COL4A3: variants seen among roughly 807,000 people sequenced by gnomAD.
The protein encoded by COL4A3 is collagen type IV alpha 3 chain, also known as collagen alpha-3(IV) chain.
In COL4A3, 135 loss-of-function variants were observed where a neutral mutation model predicts 217.4. That is an observed-to-expected ratio of 0.62 (90% CI 0.54 to 0.72). COL4A3 has a LOEUF of 0.72. Ranked by LOEUF, COL4A3 falls within the 30% of genes least tolerant of loss-of-function variation. The pLI, the probability that COL4A3 is intolerant of heterozygous loss-of-function variation, is 0.00. For missense variants in COL4A3, 1,868 were observed against 2,119.9 expected, an observed-to-expected ratio of 0.88 and a Z score of 2.33; for synonymous variants, 690 against 736.3, an observed-to-expected ratio of 0.94 and a Z score of 1.02.
chr2:227,249,230 A>ATATATATAT lies in COL4A3; in HGVS notation c.546+711_546+712insATATATATT. ...TTAGCTAGTATATATATATATATAT[A>ATATATATAT]TTTTTTTTTTTTTTTTTTTTTTTGA... On this transcript the variant is annotated intron_variant, in intron 9 of 51. Coordinates refer to ENST00000396578, the MANE Select transcript of COL4A3 (RefSeq NM_000091.5). Among the ~76,000 whole-genome samples the ATATATATAT allele has an allele frequency of 3.6e-3, 53 of 14,698 alleles. 6 individuals carry two copies. The highest frequency in any genetic ancestry group is 0.013 in the East Asian group (5 of 378). 9.6% of individuals were successfully genotyped at this position (14,698 alleles called of 152,430 possible).
chr2:227,220,802 A>G (rs1187591245), intron 1 of COL4A3, among the ~76,000 whole-genome samples: 5 of 152,192 alleles, frequency 3.3e-5, no homozygotes, highest in African/African-American at 1.2e-4. Flanking sequence ...TTGAAGATTT[A>G]GAGATAACAC....
rs2106226162 is a variant in COL4A3, at chr2:227,293,184, A to G, written c.3211-7A>G. ...GAGAATTTTAAAGGTATTTGACTACATTTAAGGGGGATCCAGGACTGCCGG... is the reference window on the plus strand; with the variant it reads ...GAGAATTTTAAAGGTATTTGACTACGTTTAAGGGGGATCCAGGACTGCCGG... On this transcript the variant is annotated splice_polypyrimidine_tract_variant and splice_region_variant and intron_variant, in intron 37 of 51. Coordinates refer to ENST00000396578, the MANE Select transcript of COL4A3 (RefSeq NM_000091.5). The G allele has an allele frequency of 1.9e-6, 3 of 1,613,920 alleles. No homozygotes were observed. The highest frequency in any genetic ancestry group is 2.5e-6 in the Non-Finnish European group (3 of 1,180,020).
chr2:227,280,866 G>C, intron 30 of COL4A3, 27 bp from the exon 31 acceptor site: 2 of 1,458,240 alleles, frequency 1.4e-6, no homozygotes, highest in Non-Finnish European at 1.9e-6. Context: ...CTAGCACCTG[G>C]GTATATACTT....
At chr2:227,245,136 A>G (rs2069253011) in intron 5 of COL4A3, 141 bp downstream of exon 5, 3 of 780,788 alleles carry the variant, frequency 3.8e-6, no homozygotes, top group Non-Finnish European at 6.6e-6. Context: ...GGTATATTAT[A>G]CTAGTGTGTG....
intron 5 of COL4A3, 187 bp from the exon 6 acceptor site, chr2:227,245,767 A>T: frequency 1.5e-6 from 1 of 662,620 alleles, no homozygotes; most frequent in Non-Finnish European, 2.8e-6. Flanking sequence ...ATAAGTCTTC[A>T]TATCAGTCAG....
At chr2:227,276,651 C>T (rs1434881308) in intron 27 of COL4A3, among the ~76,000 whole-genome samples, 174 bp downstream of exon 27, 1 of 152,254 alleles carries the variant, frequency 6.6e-6, no homozygotes, top group Non-Finnish European at 1.5e-5. Context: ...TGCTATAGTT[C>T]TCTGAGGTTA....
In COL4A3 at chr2:227,253,572, G is replaced by T. The variant is rs372481879; in HGVS notation, c.699G>T (p.Gly233=). The T allele has an allele frequency of 5.6e-6, 9 of 1,613,824 alleles. No homozygotes were observed. The highest frequency in any genetic ancestry group is 7.6e-6 in the Non-Finnish European group (9 of 1,179,870). ...GTTTTTGTCTTTAGGGTGTGAAAGG[G>T]TTAACAGGACCCCCGGGACCACCAG... is the stretch of plus-strand genomic sequence containing the variant. ...IGHKGERGVK[G]LTGPPGPPGT... Residue 233 remains glycine, a synonymous_variant, in exon 13 of 52, where the codon GGG becomes GGT. Coordinates refer to ENST00000396578, the MANE Select transcript of COL4A3 (RefSeq NM_000091.5). This position sits in a 1 kb window ranked among gnomAD's most constrained non-coding sequence, Gnocchi z 4.4.
chr2:227,187,796 T>C (rs1225308867), intron 1 of COL4A3, among the ~76,000 whole-genome samples: 1 of 152,164 alleles, frequency 6.6e-6, no homozygotes, highest in African/African-American at 2.4e-5. Context: ...TCATGTCTTC[T>C]CCTTCCAGAG....
intron 6 of COL4A3, among the ~76,000 whole-genome samples, chr2:227,246,466 T>C (rs1319003868): frequency 6.6e-6 from 1 of 152,238 alleles, no homozygotes; most frequent in Non-Finnish European, 1.5e-5. Context: ...AATTAGACTT[T>C]GCCATTTATG....
At chr2:227,166,277 G>C (rs1332764498) in intron 1 of COL4A3, among the ~76,000 whole-genome samples, 1 of 152,150 alleles carries the variant, frequency 6.6e-6, no homozygotes, top group Non-Finnish European at 1.5e-5. Context: ...TCCCAGACCA[G>C]GTATTTAAAT....
At chr2:227,186,665 A>G (rs1432121258) in intron 1 of COL4A3, among the ~76,000 whole-genome samples, 2 of 152,208 alleles carry the variant, frequency 1.3e-5, no homozygotes, top group Admixed American at 1.3e-4. Flanking sequence ...TTGGGATGCC[A>G]TGAGGGAGAG....
rs1429805281 is a variant in COL4A3 at position 227,284,316 on chromosome 2, T to A, written c.2852T>A (p.Ile951Lys). 2.5e-6 allele frequency: 4 copies of A among 1,613,922 alleles called. No individual in the cohort carries two copies. The change falls in exon 34 of 52, where the codon ATA becomes AAA. Residue 951 changes from isoleucine (I) to lysine (K), a missense_variant. Ile to Lys is a moderately radical substitution (Grantham distance 102, BLOSUM62 -3). Around this residue, in one of 2 missense-constraint regions of COL4A3, gnomAD observed 1,503 missense variants for 1,786.1 expected, o/e 0.84. Transcript: ENST00000396578. ...NPGPSEISHV[I>K]GDKGEPGLKG... Reference sequence around the variant, plus strand: ...GGGCCTTCAGAGATATCCCACGTAATAGGGGACAAAGGAGAACCAGGTCTC... The same window carrying A: ...GGGCCTTCAGAGATATCCCACGTAAAAGGGGACAAAGGAGAACCAGGTCTC...
Position 227,253,668 on chromosome 2 carries a change from T to C in COL4A3, c.765+30T>C, listed in dbSNP as rs1553752884. ...CTCTGCGATTTTATGATTAGTGTTG[T>C]GCCTTCCCGTGTCTAGGATGAAGTC... On this transcript the variant is annotated intron_variant, in intron 13 of 51. Coordinates refer to ENST00000396578, the MANE Select transcript of COL4A3 (RefSeq NM_000091.5). The surrounding 1 kb of genome is among the most constrained non-coding windows in gnomAD (Gnocchi z 4.4). 6.4e-7 allele frequency: 1 copy of C among 1,569,102 alleles called. No individual in the cohort carries two copies. The highest frequency in any genetic ancestry group is 8.8e-7 in the Non-Finnish European group (1 of 1,138,940).
chr2:227,226,509 G>T (rs1168370450), intron 1 of COL4A3, among the ~76,000 whole-genome samples: 1 of 146,326 alleles, frequency 6.8e-6, no homozygotes, highest in Non-Finnish European at 1.5e-5. Flanking sequence ...TTGCTCTGTT[G>T]CCCAGGCTGG....
At chr2:227,265,480 A>G (rs1194178289) in intron 21 of COL4A3, 1 of 152,258 alleles carries the variant, frequency 6.6e-6, no homozygotes, top group Non-Finnish European at 1.5e-5. Flanking sequence ...ATTACTGAAC[A>G]CAATTAACCA....
At chr2:227,225,903 G>A (rs1042502237) in intron 1 of COL4A3, among the ~76,000 whole-genome samples, 5 of 151,908 alleles carry the variant, frequency 3.3e-5, no homozygotes, top group African/African-American at 1.2e-4. Context: ...GTAGAGACAG[G>A]GTTTCACCCT....
intron 48 of COL4A3, 92 bp downstream of exon 48, chr2:227,308,011 T>C: frequency 9.0e-7 from 1 of 1,109,226 alleles, no homozygotes; most frequent in Non-Finnish European, 1.4e-6. Flanking sequence ...AAGTTAAGTG[T>C]AAATAACCTT....
chr2:227,270,726 A>G, intron 24 of COL4A3, 44 bp from the exon 25 acceptor site: 1 of 1,592,012 alleles, frequency 6.3e-7, no homozygotes, highest in African/African-American at 1.3e-5. Flanking sequence ...CAGAAGAAGA[A>G]TTCTAACAAA....
chr2:227,176,996 A>G (rs1044477438), intron 1 of COL4A3, among the ~76,000 whole-genome samples: 11 of 152,214 alleles, frequency 7.2e-5, no homozygotes, highest in Non-Finnish European at 1.5e-4. Context: ...GAAAAGAAAC[A>G]TAAAAATTAA....
Sources: gnomAD v4.1 joint callset for allele counts (sites outside exome capture counted in the v4.1 genomes callset) on GRCh38, gnomAD v4.1.1 for gene constraint, gnomAD v4.1.1 regional missense constraint, Gnocchi (gnomAD v3.1) non-coding constraint, MANE v1.5 for transcripts, NCBI Gene and HGNC (gene_info 2026-07-23, HGNC 2026-07-21) for gene names.